The following DCC variants were observed in gnomAD, a reference collection of about 807,000 sequenced individuals.
The protein encoded by DCC is netrin receptor DCC.
DCC carries 58 observed loss-of-function variants against 172.5 expected under a neutral mutation model. That is an observed-to-expected ratio of 0.34 (90% CI 0.27 to 0.42). The LOEUF is 0.42. DCC is among the 10% of genes least tolerant of loss of function. The pLI is 1.00. For missense variants in DCC, 1,740 were observed against 1,791.0 expected (o/e 0.97, Z 0.51); for synonymous variants, 709 against 644.5 (o/e 1.10, Z -1.52).
In DCC at chr18:52,927,076, T is replaced by TGTATATATACGTATATAC. The variant is rs1568191904; in HGVS notation, c.985+1708_985+1709insATATATACGTATATACGT. On this transcript the variant is annotated intron_variant, in intron 5 of 28. Coordinates refer to ENST00000442544, the MANE Select transcript of DCC (RefSeq NM_005215.4). ...ATATACACATATATACACACATATA[T>TGTATATATACGTATATAC]GTGTATATACACGTATATACGTGTA... 1.5e-4 allele frequency among the ~76,000 whole-genome samples: 10 copies of TGTATATATACGTATATAC among 66,566 alleles called. 1 individual carries two copies. The highest frequency in any genetic ancestry group is 3.7e-4 in the South Asian group (1 of 2,716). The allele number at this position is 66,566 out of a possible 152,430, so 43.7% of individuals were successfully genotyped here.
intron 5 of DCC, among the ~76,000 whole-genome samples, chr18:53,013,367 A>C (rs1568244584): frequency 6.6e-6 from 1 of 152,202 alleles, no homozygotes. Flanking sequence ...CTACACAGCC[A>C]TAAAAAATGA....
chr18:53,471,381 T>A (rs541156938), intron 25 of DCC, among the ~76,000 whole-genome samples: 2 of 152,248 alleles, frequency 1.3e-5, no homozygotes, highest in Non-Finnish European at 2.9e-5. Context: ...TGTTGTGCTA[T>A]CAAATAGTAG....
intron 1 of DCC, among the ~76,000 whole-genome samples, chr18:52,408,213 T>G (rs1185810068): frequency 6.6e-6 from 1 of 152,122 alleles, no homozygotes; most frequent in Non-Finnish European, 1.5e-5. Context: ...GAGACTAGTT[T>G]AGAAGGTCTA....
intron 7 of DCC, among the ~76,000 whole-genome samples, chr18:53,084,734 C>T (rs1275259541): frequency 2.6e-5 from 4 of 152,148 alleles, no homozygotes; most frequent in Admixed American, 1.3e-4. Context: ...AGAGGACATG[C>T]GAGACCTCTA....
chr18:52,967,705 G>C (rs1431951816), intron 5 of DCC, among the ~76,000 whole-genome samples: 1 of 152,066 alleles, frequency 6.6e-6, no homozygotes, highest in Non-Finnish European at 1.5e-5. Flanking sequence ...CTCTCTAGAT[G>C]AGCTTTCACA....
intron 25 of DCC, among the ~76,000 whole-genome samples, chr18:53,481,987 T>C (rs2045837356): frequency 6.6e-6 from 1 of 152,190 alleles, no homozygotes; most frequent in African/African-American, 2.4e-5. Context: ...CTTGATGATA[T>C]CGCTCTCTGA....
intron 1 of DCC, among the ~76,000 whole-genome samples, chr18:52,644,369 G>T (rs897698900): frequency 2.0e-5 from 3 of 152,112 alleles, no homozygotes; most frequent in Admixed American, 2.0e-4. Flanking sequence ...ATGAGGTCAG[G>T]AGATCGAGAC....
chr18:52,453,019 T>G (rs1181754280), intron 1 of DCC, among the ~76,000 whole-genome samples: 1 of 152,248 alleles, frequency 6.6e-6, no homozygotes, highest in African/African-American at 2.4e-5. Flanking sequence ...TGTGTGTGCA[T>G]GTGCCCAGCG....
intron 1 of DCC, among the ~76,000 whole-genome samples, chr18:52,509,490 A>T (rs1454174671): frequency 2.0e-5 from 3 of 152,198 alleles, no homozygotes; most frequent in South Asian, 4.1e-4. Context: ...AAGTGTTTAG[A>T]CAAGCCTATC....
intron 12 of DCC, among the ~76,000 whole-genome samples, chr18:53,244,592 G>T (rs946155401): frequency 6.6e-6 from 1 of 152,100 alleles, no homozygotes; most frequent in African/African-American, 2.4e-5. Flanking sequence ...TGCATTGTTG[G>T]CAGCTGATGT....
chr18:53,101,946 G>A (rs2043179714), intron 7 of DCC, among the ~76,000 whole-genome samples: 1 of 152,002 alleles, frequency 6.6e-6, no homozygotes, highest in African/African-American at 2.4e-5. Flanking sequence ...TCAGGAGTAG[G>A]GAATGAAAAG....
chr18:52,612,505 C>T (rs1310825057), intron 1 of DCC, among the ~76,000 whole-genome samples: 3 of 151,306 alleles, frequency 2.0e-5, no homozygotes, highest in Non-Finnish European at 4.4e-5. Flanking sequence ...TGCTTAAAAC[C>T]CTTCACTAAA....
At chr18:52,369,892 G>T (rs559373815) in intron 1 of DCC, among the ~76,000 whole-genome samples, 1 of 152,224 alleles carries the variant, frequency 6.6e-6, no homozygotes, top group East Asian at 1.9e-4. Flanking sequence ...TTGGGAAAAT[G>T]AATTCAAAGG....
chr18:53,302,483 C>T (rs931625271), intron 12 of DCC, among the ~76,000 whole-genome samples: 25 of 152,100 alleles, frequency 1.6e-4, no homozygotes, highest in African/African-American at 6.0e-4. Flanking sequence ...TCTGGTTTTT[C>T]ATCATATTAT....
intron 17 of DCC, among the ~76,000 whole-genome samples, chr18:53,394,852 A>C (rs1358717456): frequency 1.3e-5 from 2 of 152,086 alleles, no homozygotes; most frequent in African/African-American, 2.4e-5. Flanking sequence ...CAAGAAAACT[A>C]AGGCTCAGGC....
intron 4 of DCC, among the ~76,000 whole-genome samples, chr18:52,924,293 TTACAGTC>T (rs1362161946): frequency 9.9e-5 from 15 of 152,112 alleles, no homozygotes; most frequent in African/African-American, 3.6e-4. Context: ...TACCAAAACA[TTACAGTC>T]TACACTGTTA....
At chr18:52,575,929 C>T (rs1475627567) in intron 1 of DCC, among the ~76,000 whole-genome samples, 3 of 152,050 alleles carry the variant, frequency 2.0e-5, no homozygotes, top group Non-Finnish European at 4.4e-5. Context: ...TAAATACATG[C>T]CAAAACCAAT....
intron 1 of DCC, among the ~76,000 whole-genome samples, chr18:52,567,048 G>T (rs2033177184): frequency 6.6e-6 from 1 of 152,136 alleles, no homozygotes; most frequent in South Asian, 2.1e-4. Flanking sequence ...ACCTAGGACA[G>T]TAATACTTAA....
rs377355118 is a variant in DCC at position 52,755,245 on chromosome 18, C to A, written c.412+2871C>A. 6.6e-5 allele frequency among the ~76,000 whole-genome samples: 10 copies of A among 152,240 alleles called. No homozygotes were observed. The East Asian group carries it at 9.7e-4, about 15-fold the overall frequency. The stretch of plus-strand genomic sequence containing the variant: ...AATGAAGCAGGCTGATATTTTGATG[C>A]CTTATTATGAAAGGCAGCTGCCTAT... On this transcript the variant is annotated intron_variant, in intron 2 of 28. Coordinates refer to ENST00000442544, the MANE Select transcript of DCC (RefSeq NM_005215.4).
Sources: gnomAD v4.1 joint callset for allele counts (sites outside exome capture counted in the v4.1 genomes callset) on GRCh38, gnomAD v4.1.1 for gene constraint, MANE v1.5 for transcripts, NCBI Gene and HGNC (gene_info 2026-07-23, HGNC 2026-07-21) for gene names.